Variants in EPDR1 observed in about 807,000 individuals in gnomAD.
EPDR1 encodes ependymin related 1.
A neutral mutation model predicts 23.7 loss-of-function variants in EPDR1; 27 were observed. That is an observed-to-expected ratio of 1.14 (90% CI 0.84 to 1.57). The LOEUF (loss-of-function observed/expected upper bound fraction) is 1.57, where lower values mean the gene tolerates loss of function less well. EPDR1 is among the 40% of genes most tolerant of loss of function. EPDR1 has a pLI of 0.00. For synonymous variants in EPDR1, 137 were observed against 118.2 expected, an observed-to-expected ratio of 1.16 and a Z score of -1.03; for missense variants, 349 against 290.4, an observed-to-expected ratio of 1.20 and a Z score of -1.47.
intron 1 of EPDR1, chr7:37,926,693 A>G: frequency 2.2e-6 from 1 of 454,920 alleles, no homozygotes. Flanking sequence ...TGGCAGGAAT[A>G]TCAGGGATAA....
intron 1 of EPDR1, among the ~76,000 whole-genome samples, chr7:37,940,973 A>G (rs1294594768): frequency 1.3e-5 from 2 of 152,148 alleles, no homozygotes; most frequent in Non-Finnish European, 2.9e-5. Flanking sequence ...GGGAAAGTCC[A>G]AGGTTAGCCT....
At chr7:37,939,754 A>G (rs2132013633) in intron 1 of EPDR1, among the ~76,000 whole-genome samples, 1 of 152,318 alleles carries the variant, frequency 6.6e-6, no homozygotes, top group South Asian at 2.1e-4. Context: ...GTCAGATACC[A>G]TTTCTTATTC....
At chr7:37,938,624 T>C (rs1786106796) in intron 1 of EPDR1, among the ~76,000 whole-genome samples, 1 of 152,250 alleles carries the variant, frequency 6.6e-6, no homozygotes, top group Non-Finnish European at 1.5e-5. Flanking sequence ...TGCTTTTGCT[T>C]TAACTGGACC....
chr7:37,941,319 C>G (rs1786169151), intron 1 of EPDR1, among the ~76,000 whole-genome samples: 1 of 152,132 alleles, frequency 6.6e-6, no homozygotes, highest in African/African-American at 2.4e-5. Flanking sequence ...TCCAACATCA[C>G]AAAGTATCAC....
intron 1 of EPDR1, among the ~76,000 whole-genome samples, chr7:37,937,045 C>T (rs1786067917): frequency 6.6e-6 from 1 of 152,096 alleles, no homozygotes; most frequent in African/African-American, 2.4e-5. Context: ...AAAAGTGTGA[C>T]ATTGATGTGT....
rs1449985257 is a variant in EPDR1 at position 37,935,433 on chromosome 7, C to T, written c.270-13407C>T. 3.3e-5 allele frequency among the ~76,000 whole-genome samples: 5 copies of T among 152,284 alleles called. No individual in the cohort carries two copies. The East Asian group carries it at 9.6e-4, about 29-fold the overall frequency. On this transcript the variant is annotated intron_variant, in intron 1 of 2. Transcript: ENST00000199448. ...ATGATAAACACAAATATGAGATTTT[C>T]CTGCCATGGTTATGATACCTTACAT...
At position 37,920,806 on chromosome 7, in the gene EPDR1, G is replaced by A. The variant is rs1255172045; in HGVS notation, c.-134G>A. On this transcript the variant is annotated 5_prime_UTR_variant, in exon 1 of 3. Coordinates refer to ENST00000199448, the MANE Select transcript of EPDR1 (RefSeq NM_017549.5). ...CAAAAGCGGCAGAGGCCACCGAAGG[G>A]ACAGGAAGCACTTTGGTCCAGACCA... The A allele has an allele frequency of 2.5e-6, 4 of 1,606,756 alleles. No homozygotes were observed. In the South Asian group the frequency reaches 3.5e-5, roughly 14 times the overall value.
At chr7:37,931,526 T>TA (rs59487813) in intron 1 of EPDR1, among the ~76,000 whole-genome samples, 3 of 151,260 alleles carry the variant, frequency 2.0e-5, no homozygotes, top group African/African-American at 2.4e-5. Context: ...AATAAATAAA[T>TA]AAAAAAAATA....
intron 1 of EPDR1, among the ~76,000 whole-genome samples, chr7:37,939,284 T>C (rs1013731225): frequency 1.3e-5 from 2 of 151,744 alleles, no homozygotes; most frequent in Non-Finnish European, 2.9e-5. Context: ...TGGCCCAAGA[T>C]TTTTTTTTCT....
chr7:37,940,728 G>A (rs1457488734), intron 1 of EPDR1, among the ~76,000 whole-genome samples: 4 of 151,454 alleles, frequency 2.6e-5, no homozygotes, highest in African/African-American at 7.3e-5. Flanking sequence ...ATATATAAAA[G>A]ATATACAAAA....
intron 1 of EPDR1, among the ~76,000 whole-genome samples, chr7:37,929,179 T>A (rs1010352020): frequency 6.6e-6 from 1 of 152,224 alleles, no homozygotes; most frequent in Non-Finnish European, 1.5e-5. Context: ...CTCAACATTC[T>A]CAGTGCCCCC....
At chr7:37,929,295 A>T (rs1785882836) in intron 1 of EPDR1, among the ~76,000 whole-genome samples, 1 of 152,260 alleles carries the variant, frequency 6.6e-6, no homozygotes, top group Non-Finnish European at 1.5e-5. Context: ...ATGCACAATA[A>T]GGCTCCGTAA....
At chr7:37,937,731 C>G (rs1016045460) in intron 1 of EPDR1, among the ~76,000 whole-genome samples, 1 of 152,126 alleles carries the variant, frequency 6.6e-6, no homozygotes, top group Non-Finnish European at 1.5e-5. Flanking sequence ...AAAAGTTTCT[C>G]AAGTTCCACA....
intron 1 of EPDR1, among the ~76,000 whole-genome samples, chr7:37,939,942 T>C (rs1364066233): frequency 6.6e-6 from 1 of 152,186 alleles, no homozygotes; most frequent in Non-Finnish European, 1.5e-5. Flanking sequence ...TAATTCCACA[T>C]CTAATAATTT....
At chr7:37,943,463 T>C (rs1323327764) in intron 1 of EPDR1, among the ~76,000 whole-genome samples, 1 of 152,212 alleles carries the variant, frequency 6.6e-6, no homozygotes, top group African/African-American at 2.4e-5. Flanking sequence ...TGTATTCTAT[T>C]TGTGATGCAG....
chr7:37,921,312 G>A, intron 1 of EPDR1, 104 bp downstream of exon 1: 1 of 1,445,168 alleles, frequency 6.9e-7, no homozygotes, highest in South Asian at 1.4e-5. Flanking sequence ...GCCCCTTGCA[G>A]CTCCTCCCTT....
chr7:37,921,221 G>C lies in EPDR1; in HGVS notation c.269+13G>C, dbSNP rs751378236. 4 of 1,574,428 alleles carry C rather than the reference G, an allele frequency of 2.5e-6. No individual in the cohort carries two copies. The highest frequency in any genetic ancestry group is 1.4e-5 in the African/African-American group (1 of 72,286). On this transcript the variant is annotated intron_variant, in intron 1 of 2. Coordinates refer to ENST00000199448, the MANE Select transcript of EPDR1 (RefSeq NM_017549.5). ...TCCCCTGCAAGAGGTACAGGTCATC[G>C]GCCCGCGGGGCGGGAGTAGGGAGCC...
intron 1 of EPDR1, among the ~76,000 whole-genome samples, chr7:37,928,818 C>T (rs1785870961): frequency 6.6e-6 from 1 of 152,132 alleles, no homozygotes; most frequent in Non-Finnish European, 1.5e-5. Context: ...TTGATATATA[C>T]TGAATCTGAC....
chr7:37,925,462 G>A (rs921840030), intron 1 of EPDR1, among the ~76,000 whole-genome samples: 1 of 152,222 alleles, frequency 6.6e-6, no homozygotes, highest in Admixed American at 6.5e-5. Flanking sequence ...CACAAATGGG[G>A]CAGCAGGTGG....
Sources: gnomAD v4.1 joint callset for allele counts (sites outside exome capture counted in the v4.1 genomes callset) on GRCh38, gnomAD v4.1.1 for gene constraint, MANE v1.5 for transcripts, NCBI Gene and HGNC (gene_info 2026-07-23, HGNC 2026-07-21) for gene names.